The following FCHSD2 variants were observed in gnomAD, a reference collection of about 807,000 sequenced individuals.
The protein encoded by FCHSD2 is FCH and double SH3 domains 2.
A neutral mutation model predicts 108.1 loss-of-function variants in FCHSD2; 38 were observed. The observed-to-expected ratio is 0.35, with a 90% confidence interval of 0.27 to 0.46. The LOEUF is 0.46. Among genes scored for constraint, FCHSD2 ranks in the 20% least tolerant of loss-of-function variants. The probability of loss-of-function intolerance (pLI) is 1.00; values close to 1 mark genes in which losing one functional copy is unlikely to be tolerated. For missense variants in FCHSD2, 751 were observed against 897.8 expected (o/e 0.84, Z 2.09); for synonymous variants, 279 against 314.7 (o/e 0.89, Z 1.20).
intron 8 of FCHSD2, among the ~76,000 whole-genome samples, chr11:72,965,783 T>C (rs1269218150): frequency 6.6e-6 from 1 of 152,236 alleles, no homozygotes; most frequent in Non-Finnish European, 1.5e-5. Context: ...TGTTCTTAAG[T>C]ATATAAATAG....
chr11:72,986,786 G>C (rs1357047974), intron 6 of FCHSD2, among the ~76,000 whole-genome samples: 2 of 152,098 alleles, frequency 1.3e-5, no homozygotes, highest in Non-Finnish European at 2.9e-5. Context: ...GAATAAAATA[G>C]TACCTGTTCT....
intron 8 of FCHSD2, among the ~76,000 whole-genome samples, chr11:72,958,764 G>C (rs931904335): frequency 2.0e-5 from 3 of 151,962 alleles, no homozygotes; most frequent in African/African-American, 7.3e-5. Context: ...AAGAAAAAAA[G>C]TTATCTATTT....
intron 8 of FCHSD2, among the ~76,000 whole-genome samples, chr11:72,964,397 T>C (rs1856866768): frequency 6.6e-6 from 1 of 152,240 alleles, no homozygotes; most frequent in African/African-American, 2.4e-5. Context: ...CCAACACAAA[T>C]GTAACCACGT....
intron 8 of FCHSD2, among the ~76,000 whole-genome samples, chr11:72,928,407 C>T (rs1328727689): frequency 1.3e-5 from 2 of 152,232 alleles, no homozygotes; most frequent in Non-Finnish European, 2.9e-5. Context: ...TACTTCCCAA[C>T]TATACTGAGT....
intron 8 of FCHSD2, among the ~76,000 whole-genome samples, chr11:72,971,953 A>G (rs780529239): frequency 6.6e-6 from 1 of 152,218 alleles, no homozygotes; most frequent in Non-Finnish European, 1.5e-5. Context: ...ATTGATTGCA[A>G]TTATGATAGT....
chr11:73,128,933 G>A (rs1290875568), intron 2 of FCHSD2, among the ~76,000 whole-genome samples: 5 of 152,158 alleles, frequency 3.3e-5, no homozygotes, highest in Non-Finnish European at 1.5e-5. Flanking sequence ...GTGTAGTGGT[G>A]TGATCTCAGC....
chr11:73,026,246 A>C (rs1858226611), intron 3 of FCHSD2, among the ~76,000 whole-genome samples: 1 of 152,124 alleles, frequency 6.6e-6, no homozygotes, highest in Non-Finnish European at 1.5e-5. Context: ...CCCAAGTGCT[A>C]GGGTTACAGG....
chr11:73,132,824 G>GAAAAAA (rs35412486), intron 2 of FCHSD2, among the ~76,000 whole-genome samples: 1 of 110,944 alleles, frequency 9.0e-6, no homozygotes, highest in African/African-American at 4.0e-5. Context: ...AACGGTAACA[G>GAAAAAA]AAAAAAAAAA....
intron 12 of FCHSD2, among the ~76,000 whole-genome samples, chr11:72,870,913 A>AAAC (rs1382490631): frequency 8.6e-5 from 13 of 151,426 alleles, no homozygotes; most frequent in African/African-American, 2.9e-4. Flanking sequence ...AAAAAAAAAA[A>AAAC]AAAAAAAAGA....
intron 2 of FCHSD2, among the ~76,000 whole-genome samples, chr11:73,121,534 T>C (rs2135558821): frequency 6.6e-6 from 1 of 152,288 alleles, no homozygotes; most frequent in East Asian, 1.9e-4. Context: ...TAATGATATC[T>C]GCCTCTTGGG....
At chr11:72,949,373 C>T (rs544941248) in intron 8 of FCHSD2, among the ~76,000 whole-genome samples, 1 of 152,082 alleles carries the variant, frequency 6.6e-6, no homozygotes, top group Non-Finnish European at 1.5e-5. Flanking sequence ...TCACTTGAAC[C>T]CTGGAGGCAG....
intron 3 of FCHSD2, among the ~76,000 whole-genome samples, chr11:73,040,383 A>G (rs768908228): frequency 5.3e-5 from 8 of 152,178 alleles, no homozygotes; most frequent in Non-Finnish European, 1.0e-4. Context: ...CACTATTACA[A>G]TACATGTGAG....
intron 5 of FCHSD2, 70 bp from the exon 6 acceptor site, chr11:72,989,167 G>T: frequency 7.8e-7 from 1 of 1,277,928 alleles, no homozygotes; most frequent in Non-Finnish European, 1.1e-6. Flanking sequence ...TTCATCCTAA[G>T]GACTATACAC....
intron 9 of FCHSD2, among the ~76,000 whole-genome samples, chr11:72,917,673 G>A (rs551915453): frequency 1.3e-5 from 2 of 152,300 alleles, no homozygotes; most frequent in South Asian, 4.1e-4. Context: ...ATCACTTGAC[G>A]TCAGGAGTTC....
chr11:73,115,626 C>T (rs763836983), intron 2 of FCHSD2, among the ~76,000 whole-genome samples: 2 of 152,196 alleles, frequency 1.3e-5, no homozygotes, highest in African/African-American at 2.4e-5. Context: ...TAGCTAGACA[C>T]AGACAGACAT....
chr11:72,913,568 C>A (rs1047713004), intron 9 of FCHSD2, among the ~76,000 whole-genome samples: 1 of 152,104 alleles, frequency 6.6e-6, no homozygotes, highest in Admixed American at 6.5e-5. Flanking sequence ...CACACCCAGC[C>A]CTATTTATCC....
intron 3 of FCHSD2, among the ~76,000 whole-genome samples, chr11:73,021,789 G>A (rs773843019): frequency 4.6e-5 from 7 of 151,958 alleles, no homozygotes; most frequent in Non-Finnish European, 1.0e-4. Context: ...ACCTAATAAC[G>A]GATATATACA....
intron 2 of FCHSD2, among the ~76,000 whole-genome samples, chr11:73,090,411 G>C (rs1055384747): frequency 2.6e-5 from 4 of 151,970 alleles, no homozygotes; most frequent in Admixed American, 6.5e-5. Context: ...ATTTTTAGTA[G>C]AGACGGGGTT....
At position 72,909,902 on chromosome 11, in the gene FCHSD2, G is replaced by C. The variant is rs574743441; in HGVS notation, c.829-7264C>G. Among the ~76,000 whole-genome samples, 440 of 147,484 alleles carry C rather than the reference G, an allele frequency of 3.0e-3. 5 individuals carry two copies. The highest frequency in any genetic ancestry group is 0.011 in the African/African-American group (416 of 39,524). ...AGCCGCCCCATCTGGGAAGTGAGGA[G>C]CACCTCTGCCCGGCTGCCCATCATC... is the stretch of plus-strand genomic sequence containing the variant. On this transcript the variant is annotated intron_variant, in intron 9 of 19. Coordinates refer to ENST00000409418, the MANE Select transcript of FCHSD2 (RefSeq NM_014824.3).
Sources: gnomAD v4.1 joint callset for allele counts (sites outside exome capture counted in the v4.1 genomes callset) on GRCh38, gnomAD v4.1.1 for gene constraint, MANE v1.5 for transcripts, NCBI Gene and HGNC (gene_info 2026-07-23, HGNC 2026-07-21) for gene names.